The following MCF2L variants were observed in gnomAD, a reference collection of about 807,000 sequenced individuals.
MCF2L encodes MCF.2 cell line derived transforming sequence like.
MCF2L carries 97 observed loss-of-function variants against 153.4 expected under a neutral mutation model. That is an observed-to-expected ratio of 0.63 (90% CI 0.54 to 0.75). The LOEUF (loss-of-function observed/expected upper bound fraction) is 0.75, where lower values mean the gene tolerates loss of function less well. Ranked by LOEUF, MCF2L falls within the 30% of genes least tolerant of loss-of-function variation. The probability of loss-of-function intolerance (pLI) is 0.00; values close to 1 mark genes in which losing one functional copy is unlikely to be tolerated. For missense variants in MCF2L, 1,347 were observed against 1,495.2 expected (o/e 0.90, Z 1.64); for synonymous variants, 659 against 632.2 (o/e 1.04, Z -0.64).
intron 12 of MCF2L, 128 bp downstream of exon 12, chr13:113,076,285 A>C: frequency 1.4e-6 from 1 of 722,066 alleles, no homozygotes; most frequent in Non-Finnish European, 2.0e-6. Context: ...TTTTTTTGAG[A>C]TGGAATCTCG....
Position 113,045,020 on chromosome 13 carries a change from G to C in MCF2L, c.279-251G>C. 2 of 1,265,914 alleles carry C rather than the reference G, an allele frequency of 1.6e-6. No homozygotes were observed. The highest frequency in any genetic ancestry group is 2.8e-5 in the South Asian group (2 of 71,092). 78.4% of individuals were successfully genotyped at this position (1,265,914 alleles called of 1,614,324 possible). On this transcript the variant is annotated intron_variant, in intron 3 of 29. Coordinates refer to ENST00000535094, the MANE Select transcript of MCF2L (RefSeq NM_001112732.3). This position sits in a 1 kb window ranked among gnomAD's most constrained non-coding sequence, Gnocchi z 4.2. ...ATGGTTCTGCCTCAATCTGTGACTC[G>C]AGGTGGTTGGTGTTAGGCTGAGAAA...
intron 26 of MCF2L, chr13:113,091,041 C>T (rs878868179): frequency 4.5e-5 from 58 of 1,294,528 alleles, no homozygotes; most frequent in African/African-American, 2.4e-4. Context: ...AGCACGAGCG[C>T]GGGTCAGCCT....
intron 2 of MCF2L, among the ~76,000 whole-genome samples, chr13:112,946,103 AGCTTTTGATAACTCAT>A (rs1327668787): frequency 6.6e-6 from 1 of 152,204 alleles, no homozygotes; most frequent in Non-Finnish European, 1.5e-5. Context: ...GAAATTCTAG[AGCTTTTGATAACTCAT>A]GCTAAAATTT....
In MCF2L at chr13:113,074,015, G is replaced by A. The variant is rs1462676481; in HGVS notation, c.997-429G>A. 6.6e-6 allele frequency among the ~76,000 whole-genome samples: 1 copy of A among 152,230 alleles called. No individual in the cohort carries two copies. Among genetic ancestry groups the A allele is most frequent in the Non-Finnish European group, 1.5e-5 (1 of 68,044 alleles). On this transcript the variant is annotated intron_variant, in intron 9 of 29. Transcript: ENST00000535094. The surrounding 1 kb of genome is among the most constrained non-coding windows in gnomAD (Gnocchi z 4.2). ...CGTAGACATTAGAAGTTAGTAGCAA[G>A]CTAGAAGGGACTGAGTTACATAACT...
At chr13:112,966,469 T>G (rs2081894764), upstream of MCF2L, among the ~76,000 whole-genome samples, 1 of 152,128 alleles carries the variant, frequency 6.6e-6, no homozygotes, top group African/African-American at 2.4e-5. The surrounding 1 kb of genome is among the most constrained non-coding windows in gnomAD (Gnocchi z 4.1). Flanking sequence ...TTACTCAAAG[T>G]CTACTGATAT....
At chr13:112,897,176 T>C (rs2081075567) in intron 1 of MCF2L, among the ~76,000 whole-genome samples, 2 of 152,174 alleles carry the variant, frequency 1.3e-5, no homozygotes, top group Admixed American at 1.3e-4. Flanking sequence ...ACCCCCGCTT[T>C]GGGAAAGCTA....
At chr13:112,975,914 A>G (rs2140867537) in intron 1 of MCF2L, among the ~76,000 whole-genome samples, 1 of 121,918 alleles carries the variant, frequency 8.2e-6, no homozygotes, top group Non-Finnish European at 1.8e-5. Flanking sequence ...CCCCTCTGCC[A>G]TAGCAAGCTC....
rs201538160 is a variant in MCF2L at position 113,087,773 on chromosome 13, G to A, written c.2662G>A (p.Ala888Thr). 3.7e-5 allele frequency: 59 copies of A among 1,613,992 alleles called. No homozygotes were observed. Among genetic ancestry groups the A allele is most frequent in the Admixed American group, 1.7e-5 (1 of 60,006 alleles). Residue 888 changes from alanine (A) to threonine (T), a missense_variant, in exon 23 of 30, where the codon GCG becomes ACG. Physicochemically the swap from Ala to Thr is moderately conservative, Grantham distance 58. Around this residue, in one of 3 missense-constraint regions of MCF2L, gnomAD observed 383 missense variants for 335.4 expected, o/e 1.14. Coordinates refer to ENST00000535094, the MANE Select transcript of MCF2L (RefSeq NM_001112732.3). ...DAKKFEIWYN[A>T]REEVYIVQAP... ...TAAGAAGTTCGAGATCTGGTACAAC[G>A]CGCGCGAGGAGGTCTACATCGTCCA... is the stretch of plus-strand genomic sequence containing the variant.
At chr13:113,001,790 C>T in intron 1 of MCF2L, 1 of 1,421,836 alleles carries the variant, frequency 7.0e-7, no homozygotes, top group South Asian at 1.5e-5. Context: ...CCAGCAAACC[C>T]AGGAAGGTGT....
chr13:112,909,285 G>A (rs1253473241), intron 2 of MCF2L: 1 of 779,664 alleles, frequency 1.3e-6, no homozygotes, highest in Non-Finnish European at 2.4e-6. Flanking sequence ...GTGAGCTGGT[G>A]TCCTGCCAGT....
chr13:113,081,284 G>C lies in MCF2L; in HGVS notation c.1875+5G>C, dbSNP rs1267227782. The C allele has an allele frequency of 1.3e-6, 2 of 1,580,872 alleles. No homozygotes were observed. The highest frequency in any genetic ancestry group is 8.6e-7 in the Non-Finnish European group (1 of 1,164,742). On this transcript the variant is annotated splice_donor_5th_base_variant and intron_variant, in intron 16 of 29. Transcript: ENST00000535094. The stretch of plus-strand genomic sequence containing the variant: ...GAGCTGCTGTGCGTCCTGGAGGTGA[G>C]GCTGGACTCGGGGAGGGCCGACTGC...
rs2087610636 is a variant in MCF2L at position 113,054,682 on chromosome 13, G to T, written c.370-5911G>T. 1 of 152,216 alleles carries T rather than the reference G, an allele frequency of 6.6e-6. No homozygotes were observed. The highest frequency in any genetic ancestry group is 6.5e-5 in the Admixed American group (1 of 15,290). The allele number at this position is 152,216 out of a possible 1,614,324, so 9.4% of individuals were successfully genotyped here. ...GAGCAGACCTTAAGGAAGGTGATTTGAACTTGGGGAGGGTTTTTCAAACAG... is the reference window on the plus strand; with the variant it reads ...GAGCAGACCTTAAGGAAGGTGATTTTAACTTGGGGAGGGTTTTTCAAACAG... On this transcript the variant is annotated intron_variant, in intron 4 of 29. Coordinates refer to ENST00000535094, the MANE Select transcript of MCF2L (RefSeq NM_001112732.3). The surrounding 1 kb of genome is among the most constrained non-coding windows in gnomAD (Gnocchi z 5.2).
intron 1 of MCF2L, among the ~76,000 whole-genome samples, chr13:112,895,213 G>A (rs994838381): frequency 2.6e-5 from 4 of 152,102 alleles, no homozygotes; most frequent in African/African-American, 9.7e-5. Flanking sequence ...GGCCAGAGGG[G>A]GCTCTGGAGC....
intron 1 of MCF2L, among the ~76,000 whole-genome samples, chr13:112,981,533 C>A (rs1348221672): frequency 6.6e-6 from 1 of 152,194 alleles, no homozygotes; most frequent in South Asian, 2.1e-4. Flanking sequence ...TGCACCGAGC[C>A]CTGGTCCCCA....
At position 113,046,741 on chromosome 13, in the gene MCF2L, G is replaced by A. The variant is rs1447246573; in HGVS notation, c.369+1380G>A. 2.7e-5 allele frequency: 13 copies of A among 477,680 alleles called. No individual in the cohort carries two copies. Among genetic ancestry groups the A allele is most frequent in the Middle Eastern group, 3.5e-4 (1 of 2,830 alleles). 29.6% of individuals were successfully genotyped at this position (477,680 alleles called of 1,614,324 possible). A position where few individuals can be genotyped will look rare whatever the true frequency, so the allele number is the denominator to read the frequency against. Reference sequence around the variant, plus strand: ...ACGGCACCTCTCTGCCCCTCGCCGCGGCGGATCCCCGTTCCTGACCCTGAC... The same window carrying A: ...ACGGCACCTCTCTGCCCCTCGCCGCAGCGGATCCCCGTTCCTGACCCTGAC... On this transcript the variant is annotated intron_variant, in intron 4 of 29. Coordinates refer to ENST00000535094, the MANE Select transcript of MCF2L (RefSeq NM_001112732.3). The surrounding 1 kb of genome is among the most constrained non-coding windows in gnomAD (Gnocchi z 4.4).
chr13:113,082,080 C>T (rs565899193), intron 16 of MCF2L, among the ~76,000 whole-genome samples: 7 of 152,154 alleles, frequency 4.6e-5, no homozygotes, highest in East Asian at 3.9e-4. Context: ...TCTGAGTCAC[C>T]GAGTGTGCAC....
intron 1 of MCF2L, among the ~76,000 whole-genome samples, chr13:112,901,163 A>AT (rs372238796): frequency 5.9e-5 from 9 of 151,892 alleles, no homozygotes; most frequent in South Asian, 2.1e-4. Flanking sequence ...TTTTTATTTT[A>AT]TTTTTTTTGA....
intron 4 of MCF2L, among the ~76,000 whole-genome samples, chr13:113,048,101 C>T (rs7323684): frequency 0.51 from 77,421 of 152,118 alleles, 19,958 homozygotes; most frequent in South Asian, 0.56. Flanking sequence ...TACAGGATAG[C>T]GAAGCAGCCC....
chr13:112,903,179 C>T lies in MCF2L; in HGVS notation c.169+808C>T, dbSNP rs371855355. ...AAATCCATCCTCTGGCTGGACAGGA[C>T]GTGCAGGCTTCCAGCACCAATGGGG... On this transcript the variant is annotated intron_variant, in intron 2 of 29. Transcript: ENST00000375608. 3.1e-4 allele frequency among the ~76,000 whole-genome samples: 47 copies of T among 152,306 alleles called. No homozygotes were observed. The East Asian group carries it at 5.8e-3, about 19-fold the overall frequency.
Sources: gnomAD v4.1 joint callset for allele counts (sites outside exome capture counted in the v4.1 genomes callset) on GRCh38, gnomAD v4.1.1 for gene constraint, gnomAD v4.1.1 regional missense constraint, Gnocchi (gnomAD v3.1) non-coding constraint, MANE v1.5 for transcripts, NCBI Gene and HGNC (gene_info 2026-07-23, HGNC 2026-07-21) for gene names.